The following FARP1 variants were observed in gnomAD, a reference collection of about 807,000 sequenced individuals.
The protein encoded by FARP1 is FERM, ARHGEF and pleckstrin domain-containing protein 1.
FARP1 carries 52 observed loss-of-function variants against 128.8 expected under a neutral mutation model. That is an observed-to-expected ratio of 0.40 (90% CI 0.32 to 0.51). The LOEUF is 0.51. Among genes scored for constraint, FARP1 ranks in the 20% least tolerant of loss-of-function variants. The pLI, the probability that FARP1 is intolerant of heterozygous loss-of-function variation, is 0.45. For synonymous variants in FARP1, 580 were observed against 551.8 expected, an observed-to-expected ratio of 1.05 and a Z score of -0.72; for missense variants, 1,333 against 1,367.9, an observed-to-expected ratio of 0.97 and a Z score of 0.40.
Position 98,448,602 on chromosome 13 carries a change from C to T in FARP1, c.*285C>T, listed in dbSNP as rs1306173887. On this transcript the variant is annotated 3_prime_UTR_variant, in exon 27 of 27. Coordinates refer to ENST00000319562, the MANE Select transcript of FARP1 (RefSeq NM_005766.4). ...AGAGTGCCAAATGACATCTTCCCTC[C>T]ACCCTGCCCCTGAAAAACAGTACAC... 1 of 378,436 alleles carries T rather than the reference C, an allele frequency of 2.6e-6. No individual in the cohort carries two copies. Among genetic ancestry groups the T allele is most frequent in the African/African-American group, 2.1e-5 (1 of 48,012 alleles). The allele number at this position is 378,436 out of a possible 1,614,324, so 23.4% of individuals were successfully genotyped here. A position where few individuals can be genotyped will look rare whatever the true frequency, so the allele number is the denominator to read the frequency against.
At chr13:98,331,343 C>T (rs534738722) in intron 2 of FARP1, among the ~76,000 whole-genome samples, 14 of 152,274 alleles carry the variant, frequency 9.2e-5, no homozygotes, top group Middle Eastern at 3.4e-3. Context: ...GACTGCCATC[C>T]GTAGTGAACC....
chr13:98,314,063 A>G (rs688872), intron 2 of FARP1, among the ~76,000 whole-genome samples: 103,670 of 152,020 alleles, frequency 0.68, 35,486 homozygotes, highest in South Asian at 0.74. Context: ...AAGCTCAGGC[A>G]TGTAGGGAGA....
chr13:98,284,648 G>GTGTC (rs199740306), intron 2 of FARP1, among the ~76,000 whole-genome samples: 1 of 7,092 alleles, frequency 1.4e-4, no homozygotes, highest in African/African-American at 1.4e-3. Flanking sequence ...CCAGTCTCAA[G>GTGTC]TATCTGAGTT....
intron 1 of FARP1, among the ~76,000 whole-genome samples, chr13:98,155,805 C>T (rs532190459): frequency 6.6e-6 from 1 of 152,196 alleles, no homozygotes. Context: ...GGGGGTGAGC[C>T]ACTGCGCCTG....
chr13:98,221,926 A>C (rs1881436390), intron 2 of FARP1, among the ~76,000 whole-genome samples: 1 of 152,228 alleles, frequency 6.6e-6, no homozygotes, highest in Non-Finnish European at 1.5e-5. Flanking sequence ...AAATGGACTG[A>C]TTTTAAAAAA....
At chr13:98,255,423 C>A (rs565115836) in intron 2 of FARP1, among the ~76,000 whole-genome samples, 1 of 152,194 alleles carries the variant, frequency 6.6e-6, no homozygotes, top group African/African-American at 2.4e-5. Context: ...ATGGCGTGAA[C>A]CCAGGACGCG....
chr13:98,278,360 TTG>T (rs1884771177), intron 2 of FARP1, among the ~76,000 whole-genome samples: 1 of 151,614 alleles, frequency 6.6e-6, no homozygotes, highest in Non-Finnish European at 1.5e-5. Flanking sequence ...CGAGAGTATA[TTG>T]TGTTTAAGTG....
At chr13:98,385,891 T>C (rs1890075897) in intron 8 of FARP1, 77 bp downstream of exon 8, 3 of 1,473,154 alleles carry the variant, frequency 2.0e-6, no homozygotes, top group Non-Finnish European at 1.9e-6. Flanking sequence ...CTGATTCATA[T>C]TCAGTGGGCT....
chr13:98,211,381 A>C (rs543821237), intron 1 of FARP1, among the ~76,000 whole-genome samples: 1 of 152,336 alleles, frequency 6.6e-6, no homozygotes, highest in South Asian at 2.1e-4. Flanking sequence ...TGCGCTCCTT[A>C]TGAGAATCTA....
At chr13:98,444,783 T>G (rs1892717258) in intron 24 of FARP1, among the ~76,000 whole-genome samples, 1 of 152,152 alleles carries the variant, frequency 6.6e-6, no homozygotes, top group African/African-American at 2.4e-5. Flanking sequence ...GGCTGCTGTG[T>G]GAAAATTATG....
intron 2 of FARP1, among the ~76,000 whole-genome samples, chr13:98,269,906 C>T (rs1392342170): frequency 6.6e-6 from 1 of 152,118 alleles, no homozygotes; most frequent in Admixed American, 6.5e-5. Flanking sequence ...ACTTTGAGTT[C>T]AGGAGTTTGA....
chr13:98,349,243 G>A (rs1888304237), intron 3 of FARP1, among the ~76,000 whole-genome samples: 1 of 152,214 alleles, frequency 6.6e-6, no homozygotes. Context: ...AGGTTATTAT[G>A]AGGGCTAATC....
At chr13:98,197,882 G>A (rs551517459) in intron 1 of FARP1, among the ~76,000 whole-genome samples, 4 of 152,016 alleles carry the variant, frequency 2.6e-5, no homozygotes, top group South Asian at 2.1e-4. Context: ...TGATCCGTTC[G>A]CCTCGTCCTC....
At chr13:98,211,369 T>C (rs1000610388) in intron 1 of FARP1, among the ~76,000 whole-genome samples, 1 of 152,238 alleles carries the variant, frequency 6.6e-6, no homozygotes, top group Non-Finnish European at 1.5e-5. Flanking sequence ...GGATCTAGAT[T>C]GTGCGCTCCT....
chr13:98,169,241 G>A (rs895574557), intron 1 of FARP1, among the ~76,000 whole-genome samples: 2 of 152,124 alleles, frequency 1.3e-5, no homozygotes, highest in African/African-American at 4.8e-5. Flanking sequence ...TGAATGGGTT[G>A]TACTCTAGGC....
chr13:98,172,243 C>T (rs1171560455), intron 1 of FARP1, among the ~76,000 whole-genome samples: 1 of 151,644 alleles, frequency 6.6e-6, no homozygotes, highest in African/African-American at 2.4e-5. Flanking sequence ...ATTTCTGCTG[C>T]TCAGGGATGT....
chr13:98,351,484 C>T (rs538653381), intron 3 of FARP1, among the ~76,000 whole-genome samples: 38 of 151,920 alleles, frequency 2.5e-4, no homozygotes, highest in African/African-American at 8.4e-4. Flanking sequence ...TGGTGGCAGG[C>T]GCCTGTAGTG....
chr13:98,172,332 A>T (rs1261859924), intron 1 of FARP1, among the ~76,000 whole-genome samples: 1 of 151,642 alleles, frequency 6.6e-6, no homozygotes, highest in African/African-American at 2.4e-5. Context: ...ATAGGGCGTC[A>T]TGGGGGTTGG....
At chr13:98,447,004 A>C (rs1707669734) in intron 26 of FARP1, 187 bp downstream of exon 26, 1 of 609,150 alleles carries the variant, frequency 1.6e-6, no homozygotes, top group African/African-American at 1.8e-5. Flanking sequence ...GTGGGGTCCC[A>C]ACTTCCCTGC....
Sources: allele counts gnomAD v4.1 joint callset (sites outside exome capture counted in the v4.1 genomes callset), GRCh38; gene constraint gnomAD v4.1.1; transcripts MANE v1.5; gene names NCBI Gene and HGNC (gene_info 2026-07-23, HGNC 2026-07-21).